Variants in UST observed in about 807,000 individuals in gnomAD.
The protein encoded by UST is chondroitin sulfate 2-O-sulfotransferase.
UST carries 21 observed loss-of-function variants against 45.6 expected under a neutral mutation model. The observed-to-expected ratio is 0.46, with a 90% CI of 0.33 to 0.66. UST has a LOEUF of 0.66. Ranked by LOEUF, UST falls within the 30% of genes least tolerant of loss-of-function variation. The probability of loss-of-function intolerance (pLI) is 0.02; values close to 1 mark genes in which losing one functional copy is unlikely to be tolerated. For synonymous variants in UST, 215 were observed against 200.6 expected (o/e 1.07, Z -0.61); for missense variants, 463 against 512.4 (o/e 0.90, Z 0.93).
rs1562555178 is a variant in UST at position 148,748,012 on chromosome 6, G to T, written c.247+335G>T. Among the ~76,000 whole-genome samples, 1 of 152,210 alleles carries T rather than the reference G, an allele frequency of 6.6e-6. No individual in the cohort carries two copies. Among genetic ancestry groups the T allele is most frequent in the South Asian group, 2.1e-4 (1 of 4,828 alleles). On this transcript the variant is annotated intron_variant, in intron 1 of 7. Coordinates refer to ENST00000367463, the MANE Select transcript of UST (RefSeq NM_005715.3). The surrounding 1 kb of genome is among the most constrained non-coding windows in gnomAD (Gnocchi z 5.3). ...GGGTGTGTGGGGTGTGCCGGAGTGT[G>T]TGTATCTTCAGGCCTGGCGGCGCGG...
intron 2 of UST, among the ~76,000 whole-genome samples, chr6:148,913,703 T>C (rs1292460542): frequency 4.6e-5 from 7 of 152,170 alleles, no homozygotes; most frequent in Admixed American, 4.6e-4. Flanking sequence ...AATTATTGCT[T>C]CTGTAGAGAA....
intron 5 of UST, among the ~76,000 whole-genome samples, chr6:148,967,061 G>T (rs1780818195): frequency 6.6e-6 from 1 of 152,098 alleles, no homozygotes; most frequent in Non-Finnish European, 1.5e-5. Flanking sequence ...TTTTAAAAAG[G>T]TCATAAAATA....
Position 148,887,127 on chromosome 6 carries a change from C to G in UST, c.291+98C>G. 5 of 930,656 alleles carry G rather than the reference C, an allele frequency of 5.4e-6. No homozygotes were observed. In the South Asian group the frequency reaches 7.2e-5, roughly 13 times the overall value. The allele number at this position is 930,656 out of a possible 1,614,324, so 57.6% of individuals were successfully genotyped here. A position where few individuals can be genotyped will look rare whatever the true frequency, so the allele number is the denominator to read the frequency against. On this transcript the variant is annotated intron_variant, in intron 2 of 7. Coordinates refer to ENST00000367463, the MANE Select transcript of UST (RefSeq NM_005715.3). The stretch of plus-strand genomic sequence containing the variant: ...ATCTCTCCTGGACACGAATCATTCA[C>G]AAGAAACAGTAGATGACATATGTGA...
intron 5 of UST, among the ~76,000 whole-genome samples, chr6:148,971,224 CAT>C (rs1780912285): frequency 1.6e-5 from 1 of 63,932 alleles, no homozygotes; most frequent in Non-Finnish European, 3.4e-5. Context: ...GCCAGTCATA[CAT>C]TTTTTTTTTT....
intron 5 of UST, among the ~76,000 whole-genome samples, chr6:148,990,163 AC>A (rs1413184304): frequency 5.3e-5 from 8 of 152,232 alleles, no homozygotes; most frequent in Non-Finnish European, 1.0e-4. Flanking sequence ...ACACCAACAT[AC>A]TTTTATATCT....
chr6:148,895,937 G>C (rs1779121149), intron 2 of UST, among the ~76,000 whole-genome samples: 1 of 152,206 alleles, frequency 6.6e-6, no homozygotes, highest in Admixed American at 6.5e-5. Flanking sequence ...AACTTCTTTA[G>C]ATTTAGAGAC....
chr6:148,971,075 G>A (rs1440467184), intron 5 of UST, among the ~76,000 whole-genome samples: 1 of 152,168 alleles, frequency 6.6e-6, no homozygotes, highest in Non-Finnish European at 1.5e-5. Context: ...AGGGGGGAGA[G>A]GGGACTGTGG....
At chr6:148,910,134 CTTTT>C (rs148286486) in intron 2 of UST, among the ~76,000 whole-genome samples, 32,581 of 101,980 alleles carry the variant, frequency 0.32, 2,685 homozygotes, top group Non-Finnish European at 0.36. Flanking sequence ...GCCTGGGATG[CTTTT>C]TTTTTTTTTT....
At chr6:148,853,088 G>A (rs1048834753) in intron 1 of UST, among the ~76,000 whole-genome samples, 15 of 152,196 alleles carry the variant, frequency 9.9e-5, no homozygotes, top group African/African-American at 3.6e-4. Context: ...ACATGCATCA[G>A]CTATTTTTCC....
intron 2 of UST, among the ~76,000 whole-genome samples, chr6:148,906,959 T>TCACAGCAAC (rs1779375245): frequency 6.6e-6 from 1 of 152,206 alleles, no homozygotes; most frequent in Non-Finnish European, 1.5e-5. Context: ...TTGAGTTATG[T>TCACAGCAAC]AAGCCTTCAA....
chr6:148,910,091 A>G (rs1779443257), intron 2 of UST, among the ~76,000 whole-genome samples: 1 of 151,226 alleles, frequency 6.6e-6, no homozygotes, highest in Non-Finnish European at 1.5e-5. Flanking sequence ...TACATTTCAC[A>G]ATCAAAATAG....
intron 1 of UST, among the ~76,000 whole-genome samples, chr6:148,827,280 G>A (rs367714099): frequency 1.1e-4 from 16 of 152,056 alleles, no homozygotes; most frequent in Non-Finnish European, 1.6e-4. Flanking sequence ...TTAAAATTAC[G>A]TGAGATTTGT....
At chr6:148,941,499 G>A in intron 3 of UST, 65 bp downstream of exon 3, 1 of 1,501,228 alleles carries the variant, frequency 6.7e-7, no homozygotes, top group Non-Finnish European at 8.9e-7. Context: ...ACTAGTGGGT[G>A]CCTTACAGGT....
intron 1 of UST, among the ~76,000 whole-genome samples, chr6:148,771,699 A>C (rs1040750290): frequency 6.6e-6 from 1 of 152,198 alleles, no homozygotes; most frequent in Non-Finnish European, 1.5e-5. Flanking sequence ...CCATGCCCCA[A>C]CTGAGCCTGT....
chr6:148,879,148 A>T (rs1484340879), intron 1 of UST, among the ~76,000 whole-genome samples: 1 of 152,056 alleles, frequency 6.6e-6, no homozygotes, highest in Non-Finnish European at 1.5e-5. Flanking sequence ...GTGCCAGCCC[A>T]CTCCCAGGCA....
At chr6:148,750,586 T>A (rs1482483547) in intron 1 of UST, among the ~76,000 whole-genome samples, 1 of 152,178 alleles carries the variant, frequency 6.6e-6, no homozygotes, top group Non-Finnish European at 1.5e-5. Flanking sequence ...TATGGGCAGT[T>A]TAAGGGAGAA....
intron 7 of UST, among the ~76,000 whole-genome samples, chr6:149,052,532 A>T (rs532485517): frequency 4.5e-4 from 69 of 152,332 alleles, no homozygotes; most frequent in African/African-American, 1.6e-3. Flanking sequence ...CACTCAAGTG[A>T]TTGAACATTC....
chr6:148,814,013 C>A (rs967826653), intron 1 of UST, among the ~76,000 whole-genome samples: 14 of 152,132 alleles, frequency 9.2e-5, no homozygotes, highest in Non-Finnish European at 1.8e-4. Flanking sequence ...TTCCAGGAAC[C>A]CATCTGGATG....
At chr6:149,042,193 T>C (rs934024256) in intron 7 of UST, among the ~76,000 whole-genome samples, 14 of 152,220 alleles carry the variant, frequency 9.2e-5, no homozygotes, top group African/African-American at 3.4e-4. Context: ...CACTATTTTA[T>C]GGGGAGGCTC....
Sources: gnomAD v4.1 joint callset for allele counts (sites outside exome capture counted in the v4.1 genomes callset) on GRCh38, gnomAD v4.1.1 for gene constraint, Gnocchi (gnomAD v3.1) non-coding constraint, MANE v1.5 for transcripts, NCBI Gene and HGNC (gene_info 2026-07-23, HGNC 2026-07-21) for gene names.